Variants in NME7 observed in about 807,000 individuals in gnomAD.
NME7 encodes the protein NME/NM23 family member 7.
A neutral mutation model predicts 49.1 loss-of-function variants in NME7; 41 were observed. That is an observed-to-expected ratio of 0.83 (90% CI 0.65 to 1.08). The LOEUF is 1.08. Ranked by LOEUF, NME7 falls within the 50% of genes least tolerant of loss-of-function variation. The probability of loss-of-function intolerance (pLI) is 0.00; values close to 1 mark genes in which losing one functional copy is unlikely to be tolerated. For synonymous variants in NME7, 139 were observed against 150.6 expected (o/e 0.92, Z 0.56); for missense variants, 423 against 463.4 (o/e 0.91, Z 0.80).
intron 10 of NME7, among the ~76,000 whole-genome samples, chr1:169,192,726 G>A (rs764314078): frequency 5.3e-5 from 8 of 152,084 alleles, no homozygotes; most frequent in Non-Finnish European, 1.0e-4. Context: ...AAACTATTTG[G>A]TCTGAACAAC....
intron 1 of NME7, among the ~76,000 whole-genome samples, chr1:169,365,432 G>A (rs1328285360): frequency 6.6e-6 from 1 of 152,234 alleles, no homozygotes; most frequent in Non-Finnish European, 1.5e-5. Context: ...AGTTTGGCAA[G>A]CAACAAGAGG....
intron 10 of NME7, among the ~76,000 whole-genome samples, chr1:169,199,491 T>TTCG (rs1491402524): frequency 7.0e-6 from 1 of 143,878 alleles, no homozygotes; most frequent in East Asian, 2.0e-4. Flanking sequence ...TTATTATTAT[T>TTCG]ATTTTTAAAT....
At chr1:169,341,667 G>A (rs911799022) in intron 1 of NME7, among the ~76,000 whole-genome samples, 7 of 152,184 alleles carry the variant, frequency 4.6e-5, no homozygotes, top group Non-Finnish European at 8.8e-5. Flanking sequence ...CAGATCCACA[G>A]GGAAGGAGCT....
In NME7 at chr1:169,251,280, A is replaced by G; in HGVS notation, c.755-13593T>C. ...TGCTTTAAAATCTGTTTTATCTGAT[A>G]TAAGACTACCTACTCCTGCTCACTT... On this transcript the variant is annotated intron_variant, in intron 7 of 11. Coordinates refer to ENST00000367811, the MANE Select transcript of NME7 (RefSeq NM_013330.5). 1.3e-5 allele frequency among the ~76,000 whole-genome samples: 2 copies of G among 152,088 alleles called. 1 individual carries two copies. Among genetic ancestry groups the G allele is most frequent in the Non-Finnish European group, 2.9e-5 (2 of 68,004 alleles).
At chr1:169,220,531 G>C (rs1046180758) in intron 10 of NME7, among the ~76,000 whole-genome samples, 1 of 151,828 alleles carries the variant, frequency 6.6e-6, no homozygotes, top group Non-Finnish European at 1.5e-5. Flanking sequence ...TCTTTTTCTC[G>C]GTTAGACAAA....
Position 169,342,849 on chromosome 1 carries a change from G to GTA in NME7, c.4-18351_4-18350dup, listed in dbSNP as rs1219665267. On this transcript the variant is annotated intron_variant, in intron 1 of 11. Coordinates refer to ENST00000367811, the MANE Select transcript of NME7 (RefSeq NM_013330.5). ...ATATATACAAGTACATATATATATA[G>GTA]TATATATATATACAAGTACATATAT... is the stretch of plus-strand genomic sequence containing the variant. Among the ~76,000 whole-genome samples, 5 of 53,456 alleles carry GTA rather than the reference G, an allele frequency of 9.4e-5. 1 individual carries two copies. Among genetic ancestry groups the GTA allele is most frequent in the African/African-American group, 1.4e-4 (2 of 14,732 alleles). 35.1% of individuals were successfully genotyped at this position (53,456 alleles called of 152,430 possible).
At position 169,147,334 on chromosome 1, in the gene NME7, G is replaced by T. The variant is rs557636861; in HGVS notation, c.1099-14517C>A. On this transcript the variant is annotated intron_variant, in intron 11 of 11. Transcript: ENST00000367811. ...CTAGTCTCACTCCCCATCCTATCAT[G>T]AACTCTAAAGAAATAATACTTGTTA... is the stretch of plus-strand genomic sequence containing the variant. Among the ~76,000 whole-genome samples the T allele has an allele frequency of 3.9e-5, 6 of 152,196 alleles. No homozygotes were observed. The South Asian group carries it at 1.0e-3, about 26-fold the overall frequency.
chr1:169,324,970 CA>C (rs757731709), intron 1 of NME7, among the ~76,000 whole-genome samples: 14 of 151,942 alleles, frequency 9.2e-5, no homozygotes, highest in Admixed American at 2.0e-4. Flanking sequence ...TTATAGCAAA[CA>C]TTTTTTTTTC....
intron 3 of NME7, chr1:169,322,566 T>G (rs956198802): frequency 6.6e-6 from 1 of 152,078 alleles, no homozygotes; most frequent in Non-Finnish European, 1.5e-5. Flanking sequence ...ATAAGATACA[T>G]CAGTCTCCCT....
chr1:169,264,981 C>T (rs888252635), intron 7 of NME7, among the ~76,000 whole-genome samples: 1 of 132,690 alleles, frequency 7.5e-6, no homozygotes, highest in Non-Finnish European at 1.8e-5. Context: ...CTTCACATGG[C>T]GGCAACAAAG....
chr1:169,209,705 CAG>C (rs1660761951), intron 10 of NME7, among the ~76,000 whole-genome samples: 1 of 151,988 alleles, frequency 6.6e-6, no homozygotes, highest in Non-Finnish European at 1.5e-5. Context: ...CTGTTGCACT[CAG>C]AGTAAATATA....
intron 7 of NME7, among the ~76,000 whole-genome samples, chr1:169,249,675 GT>G (rs967221763): frequency 6.6e-6 from 1 of 151,946 alleles, no homozygotes; most frequent in Middle Eastern, 3.4e-3. Flanking sequence ...TGTTTGTTGA[GT>G]TTTTTTATAC....
chr1:169,333,390 C>T (rs142942079), intron 1 of NME7, among the ~76,000 whole-genome samples: 420 of 152,120 alleles, frequency 2.8e-3, no homozygotes, highest in Middle Eastern at 0.014. Flanking sequence ...ATGACTAAGA[C>T]CTAATATTTG....
intron 10 of NME7, among the ~76,000 whole-genome samples, chr1:169,200,536 C>T (rs1366961878): frequency 6.6e-6 from 1 of 152,096 alleles, no homozygotes; most frequent in African/African-American, 2.4e-5. Flanking sequence ...GATTGCCTTT[C>T]ATATGCAAAC....
intron 1 of NME7, among the ~76,000 whole-genome samples, chr1:169,329,396 GA>G (rs34676722): frequency 0.58 from 57,111 of 98,340 alleles, 14,003 homozygotes; most frequent in East Asian, 0.86. Context: ...TGTGTTTCCT[GA>G]AAAAAAAAAA....
At chr1:169,341,211 G>A (rs567771584) in intron 1 of NME7, among the ~76,000 whole-genome samples, 25 of 152,278 alleles carry the variant, frequency 1.6e-4, no homozygotes, top group Non-Finnish European at 3.5e-4. Context: ...GACACCCTAA[G>A]TCTCAGTCAC....
chr1:169,275,152 G>A (rs1374453758), intron 7 of NME7, among the ~76,000 whole-genome samples: 1 of 131,564 alleles, frequency 7.6e-6, no homozygotes, highest in Non-Finnish European at 1.8e-5. Context: ...CTGAGCAATG[G>A]TTTGTAGTTC....
At chr1:169,222,896 A>T (rs1440637830) in intron 10 of NME7, among the ~76,000 whole-genome samples, 1 of 152,170 alleles carries the variant, frequency 6.6e-6, no homozygotes, top group African/African-American at 2.4e-5. Flanking sequence ...ACCTCCAAAT[A>T]TTTTAGTTTA....
chr1:169,181,761 C>T (rs1359057974), intron 10 of NME7, among the ~76,000 whole-genome samples: 1 of 152,156 alleles, frequency 6.6e-6, no homozygotes, highest in African/African-American at 2.4e-5. Context: ...TGATATTCTC[C>T]TAATTGCCCA....
Sources: allele counts gnomAD v4.1 joint callset (sites outside exome capture counted in the v4.1 genomes callset), GRCh38; gene constraint gnomAD v4.1.1; transcripts MANE v1.5; gene names NCBI Gene and HGNC (gene_info 2026-07-23, HGNC 2026-07-21).